The following TRA2B variants were observed in gnomAD, a reference collection of about 807,000 sequenced individuals.
TRA2B encodes the protein transformer 2 beta homolog.
TRA2B carries 14 observed loss-of-function variants against 41.7 expected under a neutral mutation model. That is an observed-to-expected ratio of 0.34 (90% CI 0.22 to 0.53). The LOEUF (loss-of-function observed/expected upper bound fraction) is 0.53. Among genes scored for constraint, TRA2B ranks in the 20% least tolerant of loss-of-function variants. The pLI is 0.95. For missense variants in TRA2B, 167 were observed against 396.8 expected (o/e 0.42, Z 4.92); for synonymous variants, 130 against 128.8 (o/e 1.01, Z -0.06).
At chr3:185,920,070 T>A (rs375236021) in intron 6 of TRA2B, among the ~76,000 whole-genome samples, 1 of 152,176 alleles carries the variant, frequency 6.6e-6, no homozygotes, top group African/African-American at 2.4e-5. Context: ...CTCAAAGATA[T>A]CTTTATTTTT....
intron 4 of TRA2B, 66 bp downstream of exon 4, chr3:185,923,730 T>C: frequency 2.1e-6 from 3 of 1,428,912 alleles, no homozygotes; most frequent in Non-Finnish European, 2.8e-6. Context: ...TCCTAGCAAT[T>C]GGTCACTGAT....
chr3:185,924,942 C>T (rs1329390354), intron 3 of TRA2B: 1 of 152,230 alleles, frequency 6.6e-6, no homozygotes, highest in Non-Finnish European at 1.5e-5. Flanking sequence ...AAATTCTACT[C>T]TACTCTAAAA....
Position 185,917,720 on chromosome 3 carries a change from A to G in TRA2B, c.862T>C (p.Tyr288His), listed in dbSNP as rs1421133112. The G allele has an allele frequency of 6.2e-7, 1 of 1,613,434 alleles. No individual in the cohort carries two copies. The highest frequency in any genetic ancestry group is 1.7e-5 in the Admixed American group (1 of 59,972). The stretch of plus-strand genomic sequence containing the variant: ...TTTCAGAAAGTCTTCATGCTTTAAT[A>G]GCGACCTGGGAAGAAAAGAATGAAC... ...SRSRSYSPRR[Y>H] Residue 288 changes from tyrosine (Y) to histidine (H), a missense_variant, in exon 9 of 9, where the codon TAT becomes CAT. This residue lies in a region of TRA2B where 30 missense variants were observed against 46.7 expected (regional missense o/e 0.64). Coordinates refer to ENST00000453386, the MANE Select transcript of TRA2B (RefSeq NM_004593.3).
intron 6 of TRA2B, among the ~76,000 whole-genome samples, chr3:185,920,050 T>C (rs1743657059): frequency 6.6e-6 from 1 of 152,230 alleles, no homozygotes; most frequent in South Asian, 2.1e-4. Context: ...TTTTTATCTT[T>C]GGAAGTATTC....
intron 7 of TRA2B, among the ~76,000 whole-genome samples, chr3:185,919,195 T>TAACTTC (rs33977198): frequency 7.4e-5 from 2 of 26,966 alleles, no homozygotes; most frequent in Non-Finnish European, 1.3e-4. Flanking sequence ...TATCAGTGAC[T>TAACTTC]AACATCACTG....
chr3:185,927,786 C>G (rs1744007712), intron 1 of TRA2B: 2 of 152,160 alleles, frequency 1.3e-5, no homozygotes, highest in Non-Finnish European at 2.9e-5. Flanking sequence ...GTAATGAAAC[C>G]AAGGAAAAGT....
rs543968019 is a variant in TRA2B at position 185,936,777 on chromosome 3, G to A, written c.36+1048C>T. The A allele has an allele frequency of 1.1e-5, 11 of 984,748 alleles. No homozygotes were observed. In the South Asian group the frequency reaches 2.8e-4, roughly 25 times the overall value. The allele number at this position is 984,748 out of a possible 1,614,324, so 61.0% of individuals were successfully genotyped here. On this transcript the variant is annotated intron_variant, in intron 1 of 8. Coordinates refer to ENST00000453386, the MANE Select transcript of TRA2B (RefSeq NM_004593.3). ...TTCTAACAGATTCCTCTTAATTCTA[G>A]CAAGCCTCGTATGTTCGCATCATTC... is the stretch of plus-strand genomic sequence containing the variant.
intron 1 of TRA2B, chr3:185,937,065 A>G: frequency 2.0e-6 from 2 of 985,436 alleles, no homozygotes; most frequent in Non-Finnish European, 2.4e-6. Context: ...ATGTCCACAA[A>G]ATCATCTTAA....
rs538674369 is a variant in TRA2B, at chr3:185,915,265, T to G, written c.*2450A>C. Among the ~76,000 whole-genome samples the G allele has an allele frequency of 6.6e-6, 1 of 152,344 alleles. No homozygotes were observed. The highest frequency in any genetic ancestry group is 1.9e-4 in the East Asian group (1 of 5,186). ...TCACAAAAGCCTAGTATAAAACTAT[T>G]TAACTTAGCAATCTTCCAAATGAAC... is the stretch of plus-strand genomic sequence containing the variant. On this transcript the variant is annotated 3_prime_UTR_variant, in exon 9 of 9. Transcript: ENST00000453386.
chr3:185,931,982 T>G (rs1274075940), intron 1 of TRA2B: 2 of 635,406 alleles, frequency 3.1e-6, no homozygotes, highest in Non-Finnish European at 4.6e-6. Context: ...GAAACTAGAA[T>G]ATGCAGCTCA....
chr3:185,931,356 C>A (rs1292493943), intron 1 of TRA2B, among the ~76,000 whole-genome samples: 1 of 152,090 alleles, frequency 6.6e-6, no homozygotes, highest in African/African-American at 2.4e-5. Flanking sequence ...CCACTGTTAC[C>A]CATGCTGGAG....
Position 185,921,182 on chromosome 3 carries a change from C to T in TRA2B, c.644G>A (p.Ser215Asn). The change falls in exon 6 of 9, where the codon AGC becomes AAC. Residue 215 changes from serine to asparagine, a missense_variant. Physicochemically the swap from Ser to Asn is conservative, Grantham distance 46. Transcript: ENST00000453386. ...GIYMGRPTYG[S>N]SRRRDYYDRG... Reference sequence around the variant, plus strand: ...GTCATAGTAATCCCGACGGCGAGAGCTGCCACTATGAAGAAAAAAATATTC... The same window carrying T: ...GTCATAGTAATCCCGACGGCGAGAGTTGCCACTATGAAGAAAAAAATATTC... 1 of 1,614,066 alleles carries T rather than the reference C, an allele frequency of 6.2e-7. No homozygotes were observed.
chr3:185,917,758 T>C (rs750425082), intron 8 of TRA2B, 33 bp from the exon 9 acceptor site: 1 of 1,602,042 alleles, frequency 6.2e-7, no homozygotes, highest in Non-Finnish European at 8.5e-7. Context: ...GCTTTAATAT[T>C]AAGTGAACTA....
intron 1 of TRA2B, among the ~76,000 whole-genome samples, chr3:185,931,356 C>T (rs1292493943): frequency 6.6e-6 from 1 of 152,090 alleles, no homozygotes; most frequent in Non-Finnish European, 1.5e-5. Flanking sequence ...CCACTGTTAC[C>T]CATGCTGGAG....
At chr3:185,931,911 C>A in intron 1 of TRA2B, 2 of 1,212,254 alleles carry the variant, frequency 1.6e-6, no homozygotes, top group Non-Finnish European at 2.1e-6. Flanking sequence ...AAATCCAGTG[C>A]CAAAACTGAA....
At chr3:185,930,890 G>A (rs1053749668) in intron 1 of TRA2B, among the ~76,000 whole-genome samples, 1 of 152,210 alleles carries the variant, frequency 6.6e-6, no homozygotes, top group African/African-American at 2.4e-5. Context: ...TCACTTGTGT[G>A]ACCCACCTCT....
Position 185,923,998 on chromosome 3 carries a change from A to AG in TRA2B, c.334-15_334-14insC, listed in dbSNP as rs1253322731. On this transcript the variant is annotated splice_polypyrimidine_tract_variant and intron_variant, in intron 3 of 8. Coordinates refer to ENST00000453386, the MANE Select transcript of TRA2B (RefSeq NM_004593.3). ...ATCAGGATTTGCCTAGGGAAAAAAA[A>AG]AAGTTTTAAACTTTGGAAAAGTTGT... The AG allele has an allele frequency of 6.3e-7, 1 of 1,584,804 alleles. No homozygotes were observed. Among genetic ancestry groups the AG allele is most frequent in the African/African-American group, 1.4e-5 (1 of 72,982 alleles).
rs550294846 is a variant in TRA2B, at chr3:185,923,783, G to A, written c.522+13C>T. On this transcript the variant is annotated intron_variant, in intron 4 of 8. Transcript: ENST00000453386. ...AGAACTGATGGTTTACAAAGGAACG[G>A]GCTTTTACTTACTTCCTTGGCATCA... is the stretch of plus-strand genomic sequence containing the variant. 1.5e-5 allele frequency: 24 copies of A among 1,599,786 alleles called. No homozygotes were observed. The South Asian group carries it at 2.3e-4, about 15-fold the overall frequency.
At chr3:185,933,497 G>C (rs552384054) in intron 1 of TRA2B, among the ~76,000 whole-genome samples, 6 of 152,054 alleles carry the variant, frequency 3.9e-5, no homozygotes, top group Non-Finnish European at 7.4e-5. Context: ...GTTTCTAGGG[G>C]ATACAACTAG....
Sources: allele counts gnomAD v4.1 joint callset (sites outside exome capture counted in the v4.1 genomes callset), GRCh38; gene constraint gnomAD v4.1.1; regional missense constraint gnomAD v4.1.1; transcripts MANE v1.5; gene names NCBI Gene and HGNC (gene_info 2026-07-23, HGNC 2026-07-21).